AUTS2: variants seen among roughly 807,000 people sequenced by gnomAD.
The protein encoded by AUTS2 is autism susceptibility gene 2 protein.
A neutral mutation model predicts 112.4 loss-of-function variants in AUTS2; 17 were observed. The observed-to-expected ratio is 0.15, with a 90% CI of 0.10 to 0.23. The LOEUF (loss-of-function observed/expected upper bound fraction) is 0.23. AUTS2 is among the 10% of genes least tolerant of loss of function. The pLI is 1.00. For synonymous variants in AUTS2, 751 were observed against 702.7 expected (o/e 1.07, Z -1.09); for missense variants, 1,510 against 1,701.6 (o/e 0.89, Z 1.98).
chr7:70,516,173 C>T (rs568411558), intron 5 of AUTS2, among the ~76,000 whole-genome samples: 3 of 152,252 alleles, frequency 2.0e-5, no homozygotes, highest in South Asian at 4.1e-4. Flanking sequence ...TAATGTATGT[C>T]GTAGGGGTTA....
chr7:70,635,996 C>T (rs1382464394), intron 5 of AUTS2, among the ~76,000 whole-genome samples: 3 of 152,208 alleles, frequency 2.0e-5, no homozygotes, highest in Non-Finnish European at 1.5e-5. Context: ...GGCTGGGCTG[C>T]TCTCTGTAGG....
At chr7:70,088,490 T>C (rs1306171543) in intron 2 of AUTS2, among the ~76,000 whole-genome samples, 1 of 151,820 alleles carries the variant, frequency 6.6e-6, no homozygotes. Flanking sequence ...TCTACTCTTA[T>C]CGTTGTTATT....
chr7:69,655,385 TTTGTTG>T (rs144825985), intron 1 of AUTS2, among the ~76,000 whole-genome samples: 4 of 151,496 alleles, frequency 2.6e-5, no homozygotes, highest in Admixed American at 2.0e-4. Context: ...TTTCTAGTTT[TTTGTTG>T]TTGTTGTTGT....
intron 4 of AUTS2, among the ~76,000 whole-genome samples, chr7:70,161,387 TC>T (rs781444963): frequency 4.6e-5 from 7 of 151,980 alleles, no homozygotes; most frequent in Non-Finnish European, 8.8e-5. Context: ...GGATGTTCTT[TC>T]TTTTACACCA....
rs770250937 is a variant in AUTS2 at position 69,776,612 on chromosome 7, T to A, written c.310-122674T>A. ...ATAAAAATATTTTGTAGAAATGGGG[T>A]CTTGCTATGTTTCCCAGGCTGGTCT... On this transcript the variant is annotated intron_variant, in intron 1 of 18. Coordinates refer to ENST00000342771, the MANE Select transcript of AUTS2 (RefSeq NM_015570.4). Among the ~76,000 whole-genome samples, 8 of 152,040 alleles carry A rather than the reference T, an allele frequency of 5.3e-5. No individual in the cohort carries two copies. In the East Asian group the frequency reaches 1.3e-3, roughly 26 times the overall value.
At chr7:69,850,126 C>T (rs995621527) in intron 1 of AUTS2, among the ~76,000 whole-genome samples, 2 of 151,754 alleles carry the variant, frequency 1.3e-5, no homozygotes, top group Non-Finnish European at 2.9e-5. Flanking sequence ...GAAACCCCAT[C>T]TCTACTAAAA....
chr7:69,918,358 T>G (rs1208719178), intron 2 of AUTS2, among the ~76,000 whole-genome samples: 1 of 152,178 alleles, frequency 6.6e-6, no homozygotes, highest in African/African-American at 2.4e-5. Flanking sequence ...TACAGAAGCC[T>G]TTTGTTACTG....
At chr7:70,542,200 C>T (rs1331390291) in intron 5 of AUTS2, among the ~76,000 whole-genome samples, 2 of 152,170 alleles carry the variant, frequency 1.3e-5, no homozygotes, top group Non-Finnish European at 2.9e-5. Context: ...GTTCTTATGA[C>T]TTGTTCTTCA....
chr7:70,750,199 G>C (rs1445412162), intron 6 of AUTS2, among the ~76,000 whole-genome samples: 1 of 152,186 alleles, frequency 6.6e-6, no homozygotes, highest in Non-Finnish European at 1.5e-5. Context: ...ACCCTGATGA[G>C]AGGGTAATCT....
At chr7:69,740,125 G>A (rs767978095) in intron 1 of AUTS2, among the ~76,000 whole-genome samples, 6 of 152,220 alleles carry the variant, frequency 3.9e-5, no homozygotes, top group Non-Finnish European at 8.8e-5. Flanking sequence ...TTGGCCCTGG[G>A]GAAGTGTGTC....
chr7:70,556,228 C>T (rs1465256824), intron 5 of AUTS2, among the ~76,000 whole-genome samples: 4 of 152,100 alleles, frequency 2.6e-5, no homozygotes, highest in Non-Finnish European at 4.4e-5. Context: ...GCTCATGTGA[C>T]CTCACTCACT....
Position 70,216,668 on chromosome 7 carries a change from A to T in AUTS2, c.660+82097A>T, listed in dbSNP as rs183008999. ...CCAGCTTCCTTGCTTCTTAAGTGGG[A>T]TAACTTTGAGGTATACATTCTACAC... On this transcript the variant is annotated intron_variant, in intron 4 of 18. Coordinates refer to ENST00000342771, the MANE Select transcript of AUTS2 (RefSeq NM_015570.4). Among the ~76,000 whole-genome samples, 270 of 152,298 alleles carry T rather than the reference A, an allele frequency of 1.8e-3. 1 individual carries two copies. Among genetic ancestry groups the T allele is most frequent in the Non-Finnish European group, 2.1e-3 (146 of 68,032 alleles).
chr7:69,837,456 CAG>C (rs1258416790), intron 1 of AUTS2, among the ~76,000 whole-genome samples: 1 of 152,120 alleles, frequency 6.6e-6, no homozygotes, highest in Non-Finnish European at 1.5e-5. Flanking sequence ...TTATGCTACT[CAG>C]GGGGCCCAAA....
chr7:70,395,914 T>C (rs192673193), intron 4 of AUTS2, among the ~76,000 whole-genome samples: 31 of 152,322 alleles, frequency 2.0e-4, no homozygotes, highest in African/African-American at 7.2e-4. Context: ...CTGTTTACCG[T>C]CAAGCCTGTT....
intron 1 of AUTS2, among the ~76,000 whole-genome samples, chr7:69,898,553 C>CT (rs534929051): frequency 6.6e-6 from 1 of 152,172 alleles, no homozygotes; most frequent in Non-Finnish European, 1.5e-5. Flanking sequence ...GCACAGAACT[C>CT]TTATCAGGTC....
At chr7:69,925,092 T>C (rs989547817) in intron 2 of AUTS2, among the ~76,000 whole-genome samples, 2 of 152,180 alleles carry the variant, frequency 1.3e-5, no homozygotes, top group African/African-American at 4.8e-5. Context: ...TCCTTCATTA[T>C]CCTTTTATAT....
intron 5 of AUTS2, among the ~76,000 whole-genome samples, chr7:70,514,690 A>C (rs1799343961): frequency 1.3e-5 from 2 of 152,160 alleles, no homozygotes; most frequent in South Asian, 4.1e-4. Flanking sequence ...ATGGGGTCAT[A>C]AGGTGTGAGC....
At chr7:70,584,952 G>A (rs1253209498) in intron 5 of AUTS2, among the ~76,000 whole-genome samples, 1 of 152,266 alleles carries the variant, frequency 6.6e-6, no homozygotes, top group African/African-American at 2.4e-5. Flanking sequence ...TCAAGGTGTT[G>A]AGTAAGCTCA....
At chr7:70,232,947 A>G (rs1352944180) in intron 4 of AUTS2, among the ~76,000 whole-genome samples, 1 of 152,214 alleles carries the variant, frequency 6.6e-6, no homozygotes, top group Non-Finnish European at 1.5e-5. Context: ...TTGATTGAAG[A>G]TTAAACAAAA....
Sources: gnomAD v4.1 joint callset for allele counts (sites outside exome capture counted in the v4.1 genomes callset) on GRCh38, gnomAD v4.1.1 for gene constraint, MANE v1.5 for transcripts, NCBI Gene and HGNC (gene_info 2026-07-23, HGNC 2026-07-21) for gene names.